AEBP1: variants seen among roughly 807,000 people sequenced by gnomAD.
The protein encoded by AEBP1 is adipocyte enhancer-binding protein 1.
A neutral mutation model predicts 116.5 loss-of-function variants in AEBP1; 69 were observed. The ratio of observed to expected loss-of-function variants is 0.59; its 90% confidence interval spans 0.49 to 0.72. The LOEUF is 0.72. AEBP1 is among the 30% of genes least tolerant of loss of function. The probability of loss-of-function intolerance (pLI) is 0.00; values close to 1 mark genes in which losing one functional copy is unlikely to be tolerated. For synonymous variants in AEBP1, 627 were observed against 627.3 expected, an observed-to-expected ratio of 1.00 and a Z score of 0.01; for missense variants, 1,444 against 1,557.5, an observed-to-expected ratio of 0.93 and a Z score of 1.23.
Position 44,112,679 on chromosome 7 carries a change from C to T in AEBP1, c.2339C>T (p.Thr780Ile). 1 of 1,613,242 alleles carries T rather than the reference C, an allele frequency of 6.2e-7. No individual in the cohort carries two copies. The highest frequency in any genetic ancestry group is 8.5e-7 in the Non-Finnish European group (1 of 1,180,000). The change falls in exon 18 of 21, where the codon ACC becomes ATC. Residue 780 changes from threonine to isoleucine, a missense_variant. Transcript: ENST00000223357. The surrounding 1 kb of genome is among the most constrained non-coding windows in gnomAD (Gnocchi z 6.6). ...SYPYDMARTP[T>I]QEQLLAAAMA... ...CCCTACGATATGGCCCGCACGCCTACCCAGGAGCAGCTGCTGGCCGCAGCC... is the reference window on the plus strand; with the variant it reads ...CCCTACGATATGGCCCGCACGCCTATCCAGGAGCAGCTGCTGGCCGCAGCC...
chr7:44,113,198 A>C lies in AEBP1; in HGVS notation c.2710-54A>C. On this transcript the variant is annotated intron_variant, in intron 19 of 20. Coordinates refer to ENST00000223357, the MANE Select transcript of AEBP1 (RefSeq NM_001129.5). The surrounding 1 kb of genome is among the most constrained non-coding windows in gnomAD (Gnocchi z 5.3). ...GGCTCCTGGATGGGCGGGAGGGAGC[A>C]GCGGACCACATTGGACCTTCCTGAG... 1 of 1,613,198 alleles carries C rather than the reference A, an allele frequency of 6.2e-7. No homozygotes were observed. The highest frequency in any genetic ancestry group is 8.5e-7 in the Non-Finnish European group (1 of 1,179,498).
At position 44,113,062 on chromosome 7, in the gene AEBP1, C is replaced by T; in HGVS notation, c.2641C>T (p.Pro881Ser). 1 of 1,614,116 alleles carries T rather than the reference C, an allele frequency of 6.2e-7. No individual in the cohort carries two copies. Among genetic ancestry groups the T allele is most frequent in the Non-Finnish European group, 8.5e-7 (1 of 1,180,030 alleles). ...CTTCTACCTGGGCTGTGACAAGTTC[C>T]CTCATGAGAGTGAGCTGCCCCGCGA... ...LSFYLGCDKFPHESELPREWE... is the reference protein window; with the variant it reads ...LSFYLGCDKFSHESELPREWE... The change falls in exon 19 of 21, where the codon CCT becomes TCT. Residue 881 changes from proline (P) to serine (S), a missense_variant. Transcript: ENST00000223357. This position sits in a 1 kb window ranked among gnomAD's most constrained non-coding sequence, Gnocchi z 5.3.
rs1234651797 is a variant in AEBP1, at chr7:44,110,069, C to T, written c.1205C>T (p.Ala402Val). ...SHRIEDNQIR[A>V]SSMLRHGLGA... ...CGTATTGAGGACAACCAGATCCGAG[C>T]CTCCTCCATGCTGCGCCACGGCCTG... The change falls in exon 10 of 21, where the codon GCC becomes GTC. Residue 402 changes from alanine to valine, a missense_variant. Ala to Val is a moderately conservative substitution (Grantham distance 64). Transcript: ENST00000223357. The T allele has an allele frequency of 1.9e-6, 3 of 1,613,108 alleles. 1 individual carries two copies. Among genetic ancestry groups the T allele is most frequent in the South Asian group, 2.2e-5 (2 of 91,092 alleles).
Position 44,111,247 on chromosome 7 carries a change from G to A in AEBP1, c.1716+8G>A, listed in dbSNP as rs1284582073. On this transcript the variant is annotated splice_region_variant and intron_variant, in intron 14 of 20. Coordinates refer to ENST00000223357, the MANE Select transcript of AEBP1 (RefSeq NM_001129.5). The surrounding 1 kb of genome is among the most constrained non-coding windows in gnomAD (Gnocchi z 4.7). Reference sequence around the variant, plus strand: ...TACAAGGACATGCGCCAGGTTGGGAGCATATATCCTGGGGCTGGGGGTGGG... The same window carrying A: ...TACAAGGACATGCGCCAGGTTGGGAACATATATCCTGGGGCTGGGGGTGGG... 2 of 1,511,266 alleles carry A rather than the reference G, an allele frequency of 1.3e-6. No homozygotes were observed. Among genetic ancestry groups the A allele is most frequent in the East Asian group, 2.3e-5 (1 of 43,784 alleles). The allele number at this position is 1,511,266 out of a possible 1,614,324, so 93.6% of individuals were successfully genotyped here.
chr7:44,112,731 GGAC>G lies in AEBP1; in HGVS notation c.2394_2396del (p.Asp798del). 2.5e-6 allele frequency: 4 copies of G among 1,613,282 alleles called. No homozygotes were observed. Among genetic ancestry groups the G allele is most frequent in the Non-Finnish European group, 3.4e-6 (4 of 1,179,980 alleles). On this transcript the variant is annotated inframe_deletion, in exon 18 of 21. Transcript: ENST00000223357. The surrounding 1 kb of genome is among the most constrained non-coding windows in gnomAD (Gnocchi z 6.6). ...TGGCAGCAGCCCGGGGGGAGGATGA[GGAC>G]GAGGTCTCCGAGGCCCAGGAGACTC...
At chr7:44,109,702 G>A (rs925978114) in intron 9 of AEBP1, 22 of 563,742 alleles carry the variant, frequency 3.9e-5, no homozygotes, top group South Asian at 2.1e-4. Flanking sequence ...CTGTGGCTGC[G>A]CCCTGGGGGA....
rs971997979 is a variant in AEBP1 at position 44,104,859 on chromosome 7, G to A, written c.194G>A (p.Arg65Gln). ...CCGCCGCCTCCCGAGCCCACCCCGC[G>A]GGTCCGAAAAGCCCAGGCGGGGGGC... Reference protein sequence around the residue: ...EAPPPPEPTPRVRKAQAGGKP... With the variant: ...EAPPPPEPTPQVRKAQAGGKP... Residue 65 changes from arginine to glutamine, a missense_variant, in exon 1 of 21, where the codon CGG becomes CAG. Physicochemically the swap from Arg to Gln is conservative, Grantham distance 43 (BLOSUM62 1). Transcript: ENST00000223357. 8 of 1,573,234 alleles carry A rather than the reference G, an allele frequency of 5.1e-6. No individual in the cohort carries two copies. The highest frequency in any genetic ancestry group is 4.1e-5 in the African/African-American group (3 of 73,766).
chr7:44,114,474 G>A lies in AEBP1; in HGVS notation c.*213G>A. Reference sequence around the variant, plus strand: ...GTAGAGGCTCCTGCTCCACCTGCCAGTCTCGTAAGAGATGGGGTTGCTGCA... The same window carrying A: ...GTAGAGGCTCCTGCTCCACCTGCCAATCTCGTAAGAGATGGGGTTGCTGCA... On this transcript the variant is annotated 3_prime_UTR_variant, in exon 21 of 21. Transcript: ENST00000223357. 1 of 645,352 alleles carries A rather than the reference G, an allele frequency of 1.5e-6. No homozygotes were observed. Among genetic ancestry groups the A allele is most frequent in the Non-Finnish European group, 2.6e-6 (1 of 379,566 alleles). The allele number at this position is 645,352 out of a possible 1,614,324, so 40.0% of individuals were successfully genotyped here.
In AEBP1 at chr7:44,107,448, T is replaced by C; in HGVS notation, c.605T>C (p.Leu202Pro). The C allele has an allele frequency of 1.9e-6, 3 of 1,613,218 alleles. No individual in the cohort carries two copies. Among genetic ancestry groups the C allele is most frequent in the Non-Finnish European group, 2.5e-6 (3 of 1,179,938 alleles). Reference sequence around the variant, plus strand: ...AACTCCTGTGTTGCAGGGGCGCCCCTCTCAAATAACTGGCAGAATCCAGGA... The same window carrying C: ...AACTCCTGTGTTGCAGGGGCGCCCCCCTCAAATAACTGGCAGAATCCAGGA... ...EELPQEGGAP[L>P]SNNWQNPGEE... is the part of the protein sequence containing the mutation. The change falls in exon 3 of 21, where the codon CTC becomes CCC. Residue 202 changes from leucine to proline, a missense_variant. Physicochemically the swap from Leu to Pro is moderately conservative, Grantham distance 98. Coordinates refer to ENST00000223357, the MANE Select transcript of AEBP1 (RefSeq NM_001129.5). This position sits in a 1 kb window ranked among gnomAD's most constrained non-coding sequence, Gnocchi z 4.3.
chr7:44,111,836 A>G lies in AEBP1; in HGVS notation c.1841-18A>G, dbSNP rs1315472739. 2 of 1,607,222 alleles carry G rather than the reference A, an allele frequency of 1.2e-6. No individual in the cohort carries two copies. Among genetic ancestry groups the G allele is most frequent in the Non-Finnish European group, 1.7e-6 (2 of 1,176,654 alleles). ...GCCTCGGGAGACTGAGTGCTCACTG[A>G]GGCTCCCGCCCTTGCAGGGGAGCCC... is the stretch of plus-strand genomic sequence containing the variant. On this transcript the variant is annotated intron_variant, in intron 15 of 20. Coordinates refer to ENST00000223357, the MANE Select transcript of AEBP1 (RefSeq NM_001129.5). This position sits in a 1 kb window ranked among gnomAD's most constrained non-coding sequence, Gnocchi z 4.7.
In AEBP1 at chr7:44,113,656, G is replaced by C; in HGVS notation, c.2872G>C (p.Glu958Gln). The C allele has an allele frequency of 6.2e-7, 1 of 1,613,850 alleles. No homozygotes were observed. Among genetic ancestry groups the C allele is most frequent in the Non-Finnish European group, 8.5e-7 (1 of 1,179,966 alleles). ...PGEYRVTAHA[E>Q]GYTPSAKTCN... ...TGAGTACCGCGTGACAGCCCACGCG[G>C]AGGGCTACACCCCGAGCGCCAAGAC... is the stretch of plus-strand genomic sequence containing the variant. Residue 958 changes from glutamate to glutamine, a missense_variant, in exon 21 of 21, where the codon GAG becomes CAG. Coordinates refer to ENST00000223357, the MANE Select transcript of AEBP1 (RefSeq NM_001129.5). This position sits in a 1 kb window ranked among gnomAD's most constrained non-coding sequence, Gnocchi z 5.3.
Position 44,108,813 on chromosome 7 carries a change from C to T in AEBP1, c.941-86C>T. 7.7e-7 allele frequency: 1 copy of T among 1,302,424 alleles called. No homozygotes were observed. Among genetic ancestry groups the T allele is most frequent in the South Asian group, 1.3e-5 (1 of 77,548 alleles). 80.7% of individuals were successfully genotyped at this position (1,302,424 alleles called of 1,614,324 possible). On this transcript the variant is annotated intron_variant, in intron 6 of 20. Transcript: ENST00000223357. The surrounding 1 kb of genome is among the most constrained non-coding windows in gnomAD (Gnocchi z 5.0). The stretch of plus-strand genomic sequence containing the variant: ...CCGTCCTCCTCCCCTCTGGCGCGGT[C>T]CTGTCCTGCTGAGCTCCTGTGGACC...
In AEBP1 at chr7:44,104,613, A is replaced by G. The variant is rs574534169; in HGVS notation, c.-53A>G. 1.1e-4 allele frequency: 139 copies of G among 1,280,060 alleles called. 2 individuals are homozygous for G. The South Asian group carries it at 2.2e-3, about 21-fold the overall frequency. 79.3% of individuals were successfully genotyped at this position (1,280,060 alleles called of 1,614,324 possible). A position where few individuals can be genotyped will look rare whatever the true frequency, so the allele number is the denominator to read the frequency against. ...CCTCTCCGCCCTTTCCCAGAGACCCAGAGCCCCTGACCCCCCGCGCCCTCC... is the reference window on the plus strand; with the variant it reads ...CCTCTCCGCCCTTTCCCAGAGACCCGGAGCCCCTGACCCCCCGCGCCCTCC... On this transcript the variant is annotated 5_prime_UTR_variant, in exon 1 of 21. Transcript: ENST00000223357.
At position 44,107,357 on chromosome 7, in the gene AEBP1, A is replaced by T; in HGVS notation, c.596-82A>T. The T allele has an allele frequency of 7.2e-7, 1 of 1,394,230 alleles. No individual in the cohort carries two copies. The highest frequency in any genetic ancestry group is 1.0e-6 in the Non-Finnish European group (1 of 984,816). The allele number at this position is 1,394,230 out of a possible 1,614,324, so 86.4% of individuals were successfully genotyped here. A position where few individuals can be genotyped will look rare whatever the true frequency, so the allele number is the denominator to read the frequency against. On this transcript the variant is annotated intron_variant, in intron 2 of 20. Transcript: ENST00000223357. The surrounding 1 kb of genome is among the most constrained non-coding windows in gnomAD (Gnocchi z 4.3). ...TGTCCACAGGCTCTGTGTGGGCTCT[A>T]TGGGTGGCTGGTGGCCTGAGGCTCC... is the stretch of plus-strand genomic sequence containing the variant.
rs2096232276 is a variant in AEBP1, at chr7:44,113,414, G to A, written c.2809+63G>A. On this transcript the variant is annotated intron_variant, in intron 20 of 20. Transcript: ENST00000223357. The surrounding 1 kb of genome is among the most constrained non-coding windows in gnomAD (Gnocchi z 5.3). ...GGAGGACCCGCCAGAGAGGGTGGGG[G>A]CTTGAGGAACTCAGCGAGCAGGTAG... 18 of 1,523,540 alleles carry A rather than the reference G, an allele frequency of 1.2e-5. No individual in the cohort carries two copies. The Middle Eastern group carries it at 5.1e-4, about 43-fold the overall frequency. 94.4% of individuals were successfully genotyped at this position (1,523,540 alleles called of 1,614,324 possible).
Position 44,107,527 on chromosome 7 carries a change from CGCCT to C in AEBP1, c.667+19_667+22del. On this transcript the variant is annotated intron_variant, in intron 3 of 20. Coordinates refer to ENST00000223357, the MANE Select transcript of AEBP1 (RefSeq NM_001129.5). The surrounding 1 kb of genome is among the most constrained non-coding windows in gnomAD (Gnocchi z 4.3). ...ACCAGCCTGGTGAGTGGCCGTCATCCGCCTGGCCTTGGGGCCAGCTGCCCTGGCT... is the reference window on the plus strand; with the variant it reads ...ACCAGCCTGGTGAGTGGCCGTCATCCGGCCTTGGGGCCAGCTGCCCTGGCT... 1.2e-6 allele frequency: 2 copies of C among 1,613,414 alleles called. No individual in the cohort carries two copies. The highest frequency in any genetic ancestry group is 1.7e-6 in the Non-Finnish European group (2 of 1,179,924).
chr7:44,112,022 C>T lies in AEBP1; in HGVS notation c.2009C>T (p.Pro670Leu). The T allele has an allele frequency of 6.2e-7, 1 of 1,613,764 alleles. No individual in the cohort carries two copies. The highest frequency in any genetic ancestry group is 8.5e-7 in the Non-Finnish European group (1 of 1,179,938). ...ATCCACCTGGTGCCCTCACTGAACC[C>T]TGATGGCTACGAGGTGGCAGCGCAG... is the stretch of plus-strand genomic sequence containing the variant. ...TRIHLVPSLNPDGYEVAAQMG... is the reference protein window; with the variant it reads ...TRIHLVPSLNLDGYEVAAQMG... The change falls in exon 16 of 21, where the codon CCT (proline) becomes CTT (leucine). Residue 670 changes from proline to leucine, a missense_variant. By Grantham distance (98) the Pro-to-Leu change is moderately conservative. Coordinates refer to ENST00000223357, the MANE Select transcript of AEBP1 (RefSeq NM_001129.5). The surrounding 1 kb of genome is among the most constrained non-coding windows in gnomAD (Gnocchi z 6.6).
At position 44,112,544 on chromosome 7, in the gene AEBP1, G is replaced by A; in HGVS notation, c.2218-14G>A. 5 of 1,564,192 alleles carry A rather than the reference G, an allele frequency of 3.2e-6. No individual in the cohort carries two copies. Among genetic ancestry groups the A allele is most frequent in the Non-Finnish European group, 4.3e-6 (5 of 1,150,074 alleles). On this transcript the variant is annotated splice_polypyrimidine_tract_variant and intron_variant, in intron 17 of 20. Transcript: ENST00000223357. This position sits in a 1 kb window ranked among gnomAD's most constrained non-coding sequence, Gnocchi z 6.6. ...GAGCTGCAGCCCTGGCCTCACACGT[G>A]CTGGCCACTCCAGGTATCCACGGAG...
At position 44,108,841 on chromosome 7, in the gene AEBP1, G is replaced by A; in HGVS notation, c.941-58G>A. 9.4e-6 allele frequency: 14 copies of A among 1,492,954 alleles called. No individual in the cohort carries two copies. In the Middle Eastern group the frequency reaches 9.8e-4, roughly 105 times the overall value. 92.5% of individuals were successfully genotyped at this position (1,492,954 alleles called of 1,614,324 possible). On this transcript the variant is annotated intron_variant, in intron 6 of 20. Coordinates refer to ENST00000223357, the MANE Select transcript of AEBP1 (RefSeq NM_001129.5). This position sits in a 1 kb window ranked among gnomAD's most constrained non-coding sequence, Gnocchi z 5.0. ...GTCCTGCTGAGCTCCTGTGGACCCA[G>A]GAGCTGAGGCCCCGCAGCAGGGTCA... is the stretch of plus-strand genomic sequence containing the variant.
Sources: gnomAD v4.1 joint callset for allele counts on GRCh38, gnomAD v4.1.1 for gene constraint, Gnocchi (gnomAD v3.1) non-coding constraint, MANE v1.5 for transcripts, NCBI Gene and HGNC (gene_info 2026-07-23, HGNC 2026-07-21) for gene names.